Variants in KCNK9 observed in about 807,000 individuals in gnomAD.
KCNK9 encodes potassium channel subfamily K member 9.
A neutral mutation model predicts 10.8 loss-of-function variants in KCNK9; 1 was observed. The ratio of observed to expected loss-of-function variants is 0.09; its 90% confidence interval spans 0.03 to 0.44. KCNK9 has a LOEUF of 0.44. Among genes scored for constraint, KCNK9 ranks in the 20% least tolerant of loss-of-function variants. The pLI is 0.97. For synonymous variants in KCNK9, 231 were observed against 222.7 expected (o/e 1.04, Z -0.33); for missense variants, 303 against 515.0 (o/e 0.59, Z 3.98).
Position 139,637,468 on chromosome 8 carries a change from A to C in KCNK9, c.284-18369T>G, listed in dbSNP as rs1815371396. ...TAAAAAATAAAAAGAGGAAGAAGAG[A>C]ATCTTGCTCTTTGTGACTAAATAGA... On this transcript the variant is annotated intron_variant, in intron 1 of 1. Transcript: ENST00000520439. Among the ~76,000 whole-genome samples the C allele has an allele frequency of 3.3e-5, 5 of 152,310 alleles. No homozygotes were observed. In the South Asian group the frequency reaches 1.0e-3, roughly 32 times the overall value.
intron 1 of KCNK9, among the ~76,000 whole-genome samples, chr8:139,655,869 G>C (rs77015167): frequency 0.015 from 2,304 of 152,286 alleles, 63 homozygotes; most frequent in African/African-American, 0.053. Context: ...CTACAGCGAG[G>C]GGGAGACAGA....
chr8:139,668,721 G>A (rs938606504), intron 1 of KCNK9, among the ~76,000 whole-genome samples: 4 of 152,240 alleles, frequency 2.6e-5, no homozygotes, highest in African/African-American at 4.8e-5. Flanking sequence ...CGCGCCCGTC[G>A]TGTAAATGGA....
intron 1 of KCNK9, among the ~76,000 whole-genome samples, chr8:139,657,978 G>T (rs544373914): frequency 6.6e-6 from 1 of 152,320 alleles, no homozygotes; most frequent in East Asian, 1.9e-4. Context: ...ACATGGTAGG[G>T]TGGGCAGATA....
intron 1 of KCNK9, among the ~76,000 whole-genome samples, chr8:139,695,300 G>A (rs1303369802): frequency 6.6e-6 from 1 of 152,138 alleles, no homozygotes; most frequent in East Asian, 1.9e-4. Flanking sequence ...GGAGGTGATG[G>A]TCAGCTCTCC....
rs182651327 is a variant in KCNK9, at chr8:139,688,181, G to C, written c.283+14529C>G. Among the ~76,000 whole-genome samples the C allele has an allele frequency of 1.2e-4, 19 of 152,290 alleles. 1 individual carries two copies. Among genetic ancestry groups the C allele is most frequent in the Admixed American group, 7.2e-4 (11 of 15,294 alleles). On this transcript the variant is annotated intron_variant, in intron 1 of 1. Transcript: ENST00000520439. ...CTACAAATAAGGATGCTGATGATGA[G>C]AGCAAAATAATGGTTTACTTGCTGT...
At chr8:139,644,718 C>CT (rs918546846) in intron 1 of KCNK9, among the ~76,000 whole-genome samples, 1 of 113,522 alleles carries the variant, frequency 8.8e-6, no homozygotes, top group Non-Finnish European at 1.6e-5. Flanking sequence ...TGCCCTGTCC[C>CT]CCCCCCCCAG....
intron 1 of KCNK9, among the ~76,000 whole-genome samples, chr8:139,656,272 G>A (rs1816017491): frequency 6.6e-6 from 1 of 152,174 alleles, no homozygotes; most frequent in African/African-American, 2.4e-5. Context: ...AAAGCCAGGA[G>A]CAGCCCGAGC....
At chr8:139,689,643 A>AT (rs35831003) in intron 1 of KCNK9, among the ~76,000 whole-genome samples, 63,410 of 134,016 alleles carry the variant, frequency 0.47, 15,732 homozygotes, top group Non-Finnish European at 0.57. Flanking sequence ...CTTTGCCATC[A>AT]TTTTTTTTTT....
chr8:139,622,329 A>G (rs1040968980), intron 1 of KCNK9, among the ~76,000 whole-genome samples: 6 of 152,146 alleles, frequency 3.9e-5, no homozygotes, highest in African/African-American at 1.4e-4. Context: ...TAGGAAAAAG[A>G]AGGTGGTACA....
At chr8:139,611,630 C>T (rs1430712473), downstream of KCNK9, 1 of 152,260 alleles carries the variant, frequency 6.6e-6, no homozygotes, top group African/African-American at 2.4e-5. Context: ...AGAGTGACAT[C>T]ACAAGTATGC....
intron 1 of KCNK9, among the ~76,000 whole-genome samples, chr8:139,669,265 G>T (rs1467319794): frequency 6.6e-6 from 1 of 152,200 alleles, no homozygotes; most frequent in African/African-American, 2.4e-5. Flanking sequence ...TTCTTAAAAT[G>T]AGACAACAAT....
intron 1 of KCNK9, among the ~76,000 whole-genome samples, chr8:139,666,302 G>A (rs1485258826): frequency 2.6e-5 from 4 of 152,182 alleles, no homozygotes; most frequent in East Asian, 1.9e-4. Flanking sequence ...TATTGTGTAG[G>A]GTGGGTAAGA....
chr8:139,619,437 A>C (rs1474859202), intron 1 of KCNK9, among the ~76,000 whole-genome samples: 1 of 152,154 alleles, frequency 6.6e-6, no homozygotes, highest in Non-Finnish European at 1.5e-5. Flanking sequence ...GAACATTCGA[A>C]TGCCATCTTA....
intron 1 of KCNK9, among the ~76,000 whole-genome samples, chr8:139,626,513 C>T (rs1814982331): frequency 6.6e-6 from 1 of 152,178 alleles, no homozygotes; most frequent in African/African-American, 2.4e-5. Context: ...GGTTTGAGCC[C>T]TGACCGTGCC....
At chr8:139,673,711 TA>T (rs879270335) in intron 1 of KCNK9, among the ~76,000 whole-genome samples, 3 of 152,190 alleles carry the variant, frequency 2.0e-5, no homozygotes, top group Non-Finnish European at 4.4e-5. Context: ...TTGCAGTTTG[TA>T]AAAATGCCAC....
At chr8:139,687,451 CAT>C (rs1816824613) in intron 1 of KCNK9, among the ~76,000 whole-genome samples, 1 of 137,528 alleles carries the variant, frequency 7.3e-6, no homozygotes, top group African/African-American at 2.7e-5. Flanking sequence ...TATGTATACA[CAT>C]ATATATTCAT....
chr8:139,650,805 C>A (rs367814885), intron 1 of KCNK9, among the ~76,000 whole-genome samples: 2 of 152,144 alleles, frequency 1.3e-5, no homozygotes, highest in African/African-American at 4.8e-5. Context: ...AGGGAAGCAG[C>A]AGCCCCATGG....
chr8:139,690,281 G>C (rs559773154), intron 1 of KCNK9, among the ~76,000 whole-genome samples: 1 of 152,260 alleles, frequency 6.6e-6, no homozygotes, highest in Non-Finnish European at 1.5e-5. Flanking sequence ...TCTGTAAAAC[G>C]GGGATACATG....
At chr8:139,699,437 C>T (rs1202260309) in intron 1 of KCNK9, among the ~76,000 whole-genome samples, 1 of 152,190 alleles carries the variant, frequency 6.6e-6, no homozygotes, top group Non-Finnish European at 1.5e-5. Context: ...TGGGGGGAAA[C>T]TCAGACTGAA....
Sources: allele counts gnomAD v4.1 joint callset (sites outside exome capture counted in the v4.1 genomes callset), GRCh38; gene constraint gnomAD v4.1.1; transcripts MANE v1.5; gene names NCBI Gene and HGNC (gene_info 2026-07-23, HGNC 2026-07-21).